Variants in MYH14 observed in about 807,000 individuals in gnomAD.
The protein encoded by MYH14 is myosin-14.
In MYH14, 123 loss-of-function variants were observed where a neutral mutation model predicts 255.5. The observed-to-expected ratio is 0.48, with a 90% CI of 0.42 to 0.56. MYH14 has a LOEUF of 0.56. Among genes scored for constraint, MYH14 ranks in the 20% least tolerant of loss-of-function variants. The probability of loss-of-function intolerance (pLI) is 0.00; values close to 1 mark genes in which losing one functional copy is unlikely to be tolerated. For missense variants in MYH14, 2,423 were observed against 2,802.3 expected (o/e 0.86, Z 3.06); for synonymous variants, 1,095 against 1,161.2 (o/e 0.94, Z 1.16).
intron 41 of MYH14, among the ~76,000 whole-genome samples, chr19:50,307,463 CTG>C (rs367915960): frequency 5.9e-4 from 90 of 152,254 alleles, no homozygotes; most frequent in African/African-American, 2.1e-3. Flanking sequence ...GTACCAGGCA[CTG>C]TGCTAAAGAC....
intron 35 of MYH14, among the ~76,000 whole-genome samples, chr19:50,290,061 C>T (rs113319809): frequency 6.0e-4 from 91 of 152,212 alleles, no homozygotes; most frequent in African/African-American, 2.0e-3. Flanking sequence ...TATTCAACTA[C>T]CCTAACCACC....
rs542179852 is a variant in MYH14, at chr19:50,222,479, CAAAAAAAAAAA to C, written c.563-593_563-583del. On this transcript the variant is annotated intron_variant, in intron 3 of 42. Transcript: ENST00000642316. ...TGGGCGACAGAGCAAGACTCCGTCTCAAAAAAAAAAAAAAAAAAAAAGAACCACTGCTTTAT... is the reference window on the plus strand; with the variant it reads ...TGGGCGACAGAGCAAGACTCCGTCTCAAAAAAAAAAGAACCACTGCTTTAT... 1.1e-4 allele frequency among the ~76,000 whole-genome samples: 8 copies of C among 69,862 alleles called. No individual in the cohort carries two copies. The East Asian group carries it at 3.7e-3, about 32-fold the overall frequency. The allele number at this position is 69,862 out of a possible 152,430, so 45.8% of individuals were successfully genotyped here. A position where few individuals can be genotyped will look rare whatever the true frequency, so the allele number is the denominator to read the frequency against.
rs766387693 is a variant in MYH14, at chr19:50,286,446, C to G, written c.4540-36C>G. The G allele has an allele frequency of 1.5e-5, 24 of 1,581,884 alleles. 1 individual carries two copies. The East Asian group carries it at 4.1e-4, about 27-fold the overall frequency. On this transcript the variant is annotated intron_variant, in intron 33 of 42. Coordinates refer to ENST00000642316, the MANE Select transcript of MYH14 (RefSeq NM_001145809.2). ...CCCTTGTACACTCCTTTCAGCTAATCTATTTCCCCCTACCCCATCTCCCTC... is the reference window on the plus strand; with the variant it reads ...CCCTTGTACACTCCTTTCAGCTAATGTATTTCCCCCTACCCCATCTCCCTC...
Position 50,267,018 on chromosome 19 carries a change from C to A in MYH14, c.2826+10C>A. 1.5e-6 allele frequency: 1 copy of A among 669,928 alleles called. No homozygotes were observed. 41.5% of individuals were successfully genotyped at this position (669,928 alleles called of 1,614,324 possible). On this transcript the variant is annotated intron_variant, in intron 23 of 42. Coordinates refer to ENST00000642316, the MANE Select transcript of MYH14 (RefSeq NM_001145809.2). Reference sequence around the variant, plus strand: ...GGGCCGAGTGGCACAGGTGAGGGGGCGGGGGCAGGGCGTGGGGGCGTGTCT... The same window carrying A: ...GGGCCGAGTGGCACAGGTGAGGGGGAGGGGGCAGGGCGTGGGGGCGTGTCT...
rs1397758100 is a variant in MYH14 at position 50,266,428 on chromosome 19, A to G, written c.2695-449A>G. 1.3e-5 allele frequency among the ~76,000 whole-genome samples: 2 copies of G among 152,154 alleles called. No homozygotes were observed. Among genetic ancestry groups the G allele is most frequent in the Non-Finnish European group, 2.9e-5 (2 of 68,032 alleles). ...ACAAAAATTAGCCGGACGTGGTGGC[A>G]TACGCCTGTAATCCCAGCTACTCGG... On this transcript the variant is annotated intron_variant, in intron 22 of 42. Coordinates refer to ENST00000642316, the MANE Select transcript of MYH14 (RefSeq NM_001145809.2). The surrounding 1 kb of genome is among the most constrained non-coding windows in gnomAD (Gnocchi z 4.1).
At chr19:50,224,032 T>TCA in intron 5 of MYH14, 122 bp from the exon 6 acceptor site, 1 of 610,332 alleles carries the variant, frequency 1.6e-6, no homozygotes, top group African/African-American at 2.0e-5. Flanking sequence ...ATGCCCGGTT[T>TCA]CCCCAGTCCC....
intron 1 of MYH14, among the ~76,000 whole-genome samples, chr19:50,205,721 G>A (rs1297649138): frequency 1.3e-5 from 2 of 152,370 alleles, no homozygotes; most frequent in East Asian, 3.9e-4. Context: ...TGGGTCCTGG[G>A]GGAGGAAAGG....
intron 6 of MYH14, 146 bp downstream of exon 6, chr19:50,224,323 C>A (rs970500117): frequency 1.8e-6 from 2 of 1,090,022 alleles, no homozygotes; most frequent in Non-Finnish European, 2.8e-6. Context: ...CTATTCATGG[C>A]GGCCCTGCTG....
chr19:50,227,109 G>T, intron 8 of MYH14, 143 bp downstream of exon 8: 1 of 628,590 alleles, frequency 1.6e-6, no homozygotes, highest in East Asian at 3.3e-5. Context: ...TCTGCATGGG[G>T]AGGGGAGGGT....
rs762163537 is a variant in MYH14, at chr19:50,210,501, C to T, written c.136C>T (p.Pro46Ser). ...AGGGPGSGTS[P>S]QVEWTARRLV... The stretch of plus-strand genomic sequence containing the variant: ...TGGCGGGCCTGGCTCGGGCACCTCC[C>T]CGCAGGTGGAGTGGACGGCCCGGCG... The change falls in exon 2 of 43, where the codon CCG becomes TCG. Residue 46 changes from proline (P) to serine (S), a missense_variant. Transcript: ENST00000642316. The T allele has an allele frequency of 4.5e-6, 7 of 1,564,246 alleles. No individual in the cohort carries two copies. Among genetic ancestry groups the T allele is most frequent in the Admixed American group, 3.8e-5 (2 of 52,730 alleles).
At chr19:50,235,796 A>C (rs2033632358) in intron 10 of MYH14, among the ~76,000 whole-genome samples, 1 of 151,922 alleles carries the variant, frequency 6.6e-6, no homozygotes, top group South Asian at 2.1e-4. Flanking sequence ...ACACCCCAAA[A>C]CAAAGAAACA....
chr19:50,305,238 A>G (rs762723545), intron 40 of MYH14, among the ~76,000 whole-genome samples: 4 of 151,936 alleles, frequency 2.6e-5, no homozygotes, highest in Non-Finnish European at 4.4e-5. Context: ...TGATGGTCCA[A>G]GCAGAACAAG....
chr19:50,263,454 G>A, intron 22 of MYH14, 34 bp downstream of exon 22: 1 of 1,483,736 alleles, frequency 6.7e-7, no homozygotes, highest in Middle Eastern at 1.9e-4. Flanking sequence ...CCCCAGTAGG[G>A]AGAGGATAGG....
rs2036156143 is a variant in MYH14, at chr19:50,293,440, G to A, written c.5345+119G>A. ...CTGGGAGGTGGGCGGGGTTAACCTC[G>A]GGGCCCCTGGGGTGTGAGGCTGGGG... is the stretch of plus-strand genomic sequence containing the variant. On this transcript the variant is annotated intron_variant, in intron 38 of 42. Coordinates refer to ENST00000642316, the MANE Select transcript of MYH14 (RefSeq NM_001145809.2). This position sits in a 1 kb window ranked among gnomAD's most constrained non-coding sequence, Gnocchi z 4.1. The A allele has an allele frequency of 2.7e-5, 41 of 1,531,474 alleles. 1 individual carries two copies. In the Admixed American group the frequency reaches 2.9e-4, roughly 11 times the overall value. The allele number at this position is 1,531,474 out of a possible 1,614,324, so 94.9% of individuals were successfully genotyped here.
intron 40 of MYH14, among the ~76,000 whole-genome samples, chr19:50,302,110 C>G (rs924366165): frequency 1.7e-5 from 2 of 115,440 alleles, no homozygotes; most frequent in Non-Finnish European, 3.4e-5. Flanking sequence ...AAGACCTCAT[C>G]TCTAAAAAAA....
rs570759880 is a variant in MYH14 at position 50,310,185 on chromosome 19, C to G, written c.*395C>G. 1.1e-5 allele frequency: 3 copies of G among 285,494 alleles called. No homozygotes were observed. In the East Asian group the frequency reaches 3.3e-4, roughly 31 times the overall value. 17.7% of individuals were successfully genotyped at this position (285,494 alleles called of 1,614,324 possible). ...ATTCCCTCTGCTTCTCTCTCTCTCT[C>G]TCTCTCTCCCTCCCTCTCCTTCCCT... On this transcript the variant is annotated 3_prime_UTR_variant, in exon 43 of 43. Transcript: ENST00000642316.
chr19:50,272,540 G>A lies in MYH14; in HGVS notation c.3296-20G>A, dbSNP rs1260747828. On this transcript the variant is annotated intron_variant, in intron 26 of 42. Transcript: ENST00000642316. ...TGCAGGCCTGGAGTCCTCATGCACG[G>A]CCCCCACCCCTGCCTCCAGACCGCC... The A allele has an allele frequency of 1.3e-6, 2 of 1,556,578 alleles. No homozygotes were observed. Among genetic ancestry groups the A allele is most frequent in the Admixed American group, 1.9e-5 (1 of 51,378 alleles).
rs1600894271 is a variant in MYH14, at chr19:50,230,391, C to T, written c.875-134C>T. ...GCTCTTCCAGTTAGTGGCAAAGTCA[C>T]CAGCCTGGGCTGTGAGCGACTCCAC... On this transcript the variant is annotated intron_variant, in intron 8 of 42. Transcript: ENST00000642316. The surrounding 1 kb of genome is among the most constrained non-coding windows in gnomAD (Gnocchi z 4.7). The T allele has an allele frequency of 1.3e-6, 1 of 754,386 alleles. No homozygotes were observed. The highest frequency in any genetic ancestry group is 2.2e-6 in the Non-Finnish European group (1 of 449,724). 46.7% of individuals were successfully genotyped at this position (754,386 alleles called of 1,614,324 possible).
chr19:50,225,453 G>A lies in MYH14; in HGVS notation c.718-132G>A, dbSNP rs1466738242. The A allele has an allele frequency of 6.1e-6, 4 of 654,566 alleles. No individual in the cohort carries two copies. In the East Asian group the frequency reaches 1.1e-4, roughly 18 times the overall value. The allele number at this position is 654,566 out of a possible 1,614,324, so 40.5% of individuals were successfully genotyped here. ...GGCAAGACCCGGATATGGGAAGTGGGTACACGCCCAGACACACAAAGGCCC... is the reference window on the plus strand; with the variant it reads ...GGCAAGACCCGGATATGGGAAGTGGATACACGCCCAGACACACAAAGGCCC... On this transcript the variant is annotated intron_variant, in intron 6 of 42. Coordinates refer to ENST00000642316, the MANE Select transcript of MYH14 (RefSeq NM_001145809.2).
Sources: gnomAD v4.1 joint callset for allele counts (sites outside exome capture counted in the v4.1 genomes callset) on GRCh38, gnomAD v4.1.1 for gene constraint, Gnocchi (gnomAD v3.1) non-coding constraint, MANE v1.5 for transcripts, NCBI Gene and HGNC (gene_info 2026-07-23, HGNC 2026-07-21) for gene names.